ADAMTSL1: variants seen among roughly 807,000 people sequenced by gnomAD.
ADAMTSL1 encodes ADAMTS-like protein 1.
Under a neutral mutation model 201.8 loss-of-function variants are expected in ADAMTSL1, and 126 were observed. That is an observed-to-expected ratio of 0.62 (90% CI 0.54 to 0.72). The LOEUF is 0.72. Ranked by LOEUF, ADAMTSL1 falls within the 30% of genes least tolerant of loss-of-function variation. ADAMTSL1 has a pLI of 0.00. For missense variants in ADAMTSL1, 2,679 were observed against 2,277.8 expected (o/e 1.18, Z -3.59); for synonymous variants, 1,121 against 903.4 (o/e 1.24, Z -4.32).
chr9:18,090,300 A>G (rs2131811102), intron 1 of ADAMTSL1, among the ~76,000 whole-genome samples: 1 of 152,320 alleles, frequency 6.6e-6, no homozygotes, highest in South Asian at 2.1e-4. Context: ...TTTATAAATG[A>G]ATGTTCATAG....
intron 2 of ADAMTSL1, among the ~76,000 whole-genome samples, chr9:18,260,170 AG>A (rs2132530036): frequency 6.6e-6 from 1 of 152,346 alleles, no homozygotes; most frequent in East Asian, 1.9e-4. Context: ...GGCATTGCGT[AG>A]ATACCACCAT....
At chr9:17,973,806 G>A (rs991382564) in intron 1 of ADAMTSL1, among the ~76,000 whole-genome samples, 1 of 149,692 alleles carries the variant, frequency 6.7e-6, no homozygotes, top group Non-Finnish European at 1.5e-5. Context: ...AGCATGGAAT[G>A]TTCTTCCATT....
intron 3 of ADAMTSL1, among the ~76,000 whole-genome samples, chr9:18,559,746 A>G (rs1587561680): frequency 6.6e-6 from 1 of 152,268 alleles, no homozygotes; most frequent in South Asian, 2.1e-4. Flanking sequence ...TTATATTCCT[A>G]GGTATTTTAT....
chr9:18,065,193 T>C (rs1374729640), intron 1 of ADAMTSL1, among the ~76,000 whole-genome samples: 1 of 152,126 alleles, frequency 6.6e-6, no homozygotes, highest in Non-Finnish European at 1.5e-5. Context: ...ACCACACTGA[T>C]TCACATCTTA....
At chr9:18,644,536 C>T (rs544377511) in intron 7 of ADAMTSL1, among the ~76,000 whole-genome samples, 3 of 151,846 alleles carry the variant, frequency 2.0e-5, no homozygotes, top group Non-Finnish European at 4.4e-5. Context: ...ATCCCTCCCC[C>T]CTACCCCCAC....
intron 2 of ADAMTSL1, among the ~76,000 whole-genome samples, chr9:18,293,677 A>G (rs1833362248): frequency 6.6e-6 from 1 of 152,230 alleles, no homozygotes; most frequent in African/African-American, 2.4e-5. Context: ...ATTTGGCCTT[A>G]TTTCCCCTCT....
chr9:18,430,303 A>G (rs979508854), intron 2 of ADAMTSL1, among the ~76,000 whole-genome samples: 6 of 152,158 alleles, frequency 3.9e-5, no homozygotes, highest in South Asian at 2.1e-4. Context: ...CAACAGTATT[A>G]TTTTTCTGTG....
At chr9:18,623,833 A>G (rs1206046272) in intron 5 of ADAMTSL1, among the ~76,000 whole-genome samples, 2 of 152,156 alleles carry the variant, frequency 1.3e-5, no homozygotes, top group Non-Finnish European at 2.9e-5. Context: ...TTCTTTCCAT[A>G]TGTCTCTCTG....
chr9:18,160,881 G>T (rs1358478720), intron 1 of ADAMTSL1, among the ~76,000 whole-genome samples: 1 of 143,612 alleles, frequency 7.0e-6, no homozygotes, highest in Admixed American at 7.1e-5. Flanking sequence ...AAGAGACAAT[G>T]TCTCACTATT....
chr9:18,294,513 A>G (rs1188823688), intron 2 of ADAMTSL1, among the ~76,000 whole-genome samples: 1 of 152,162 alleles, frequency 6.6e-6, no homozygotes, highest in Non-Finnish European at 1.5e-5. Context: ...TCATCTGTCC[A>G]GGTGGGTTGC....
At chr9:18,167,370 G>A (rs1004879600) in intron 2 of ADAMTSL1, among the ~76,000 whole-genome samples, 6 of 151,890 alleles carry the variant, frequency 4.0e-5, no homozygotes, top group African/African-American at 1.4e-4. Flanking sequence ...CAATTGAGGG[G>A]TTGAGTGTTC....
At chr9:18,877,332 T>C (rs1264599373) in intron 23 of ADAMTSL1, among the ~76,000 whole-genome samples, 2 of 152,194 alleles carry the variant, frequency 1.3e-5, no homozygotes, top group African/African-American at 4.8e-5. Context: ...GGATTGTTTT[T>C]CTGGTTCCTT....
chr9:18,650,490 C>T (rs946002935), intron 7 of ADAMTSL1, among the ~76,000 whole-genome samples: 31 of 152,148 alleles, frequency 2.0e-4, no homozygotes, highest in African/African-American at 6.0e-4. Flanking sequence ...GCGTAGCTCA[C>T]GGTGGGAGTT....
intron 1 of ADAMTSL1, among the ~76,000 whole-genome samples, chr9:18,126,618 A>G (rs573073058): frequency 6.6e-6 from 1 of 152,316 alleles, no homozygotes; most frequent in East Asian, 1.9e-4. Flanking sequence ...GGAGCCTGCC[A>G]AAACTACAAA....
chr9:18,117,363 C>T (rs761552716), intron 1 of ADAMTSL1, among the ~76,000 whole-genome samples: 3 of 152,144 alleles, frequency 2.0e-5, no homozygotes, highest in Non-Finnish European at 2.9e-5. Flanking sequence ...CCTTCACCCT[C>T]GCTTCTCTGG....
At chr9:18,484,650 G>GCT (rs1284153815) in intron 1 of ADAMTSL1, among the ~76,000 whole-genome samples, 1 of 152,132 alleles carries the variant, frequency 6.6e-6, no homozygotes. Context: ...GCATATAGAA[G>GCT]GCTAATGACA....
At chr9:18,857,688 G>A (rs10963809) in intron 23 of ADAMTSL1, among the ~76,000 whole-genome samples, 13 of 152,166 alleles carry the variant, frequency 8.5e-5, no homozygotes, top group South Asian at 2.1e-4. Flanking sequence ...GAATTAATAC[G>A]TCTTTTGTGA....
intron 23 of ADAMTSL1, among the ~76,000 whole-genome samples, chr9:18,882,304 C>T (rs1425290827): frequency 1.3e-5 from 2 of 152,186 alleles, no homozygotes; most frequent in African/African-American, 4.8e-5. Context: ...AAACAGGATT[C>T]ATGGAGCCAG....
intron 2 of ADAMTSL1, among the ~76,000 whole-genome samples, chr9:18,351,970 C>T (rs1468461871): frequency 5.9e-5 from 9 of 152,096 alleles, no homozygotes; most frequent in Admixed American, 5.9e-4. Context: ...TACAGTCAAT[C>T]ACTCCGTAAT....
Sources: gnomAD v4.1 joint callset for allele counts (sites outside exome capture counted in the v4.1 genomes callset) on GRCh38, gnomAD v4.1.1 for gene constraint, MANE v1.5 for transcripts, NCBI Gene and HGNC (gene_info 2026-07-23, HGNC 2026-07-21) for gene names.